The following TASP1 variants were observed in gnomAD, a reference collection of about 807,000 sequenced individuals.
The protein encoded by TASP1 is threonine aspartase 1.
TASP1 carries 16 observed loss-of-function variants against 56.6 expected under a neutral mutation model. The observed-to-expected ratio is 0.28, with a 90% CI of 0.19 to 0.43. The LOEUF is 0.43. Ranked by LOEUF, TASP1 falls within the 20% of genes least tolerant of loss-of-function variation. TASP1 has a pLI of 1.00. For missense variants in TASP1, 393 were observed against 511.6 expected (o/e 0.77, Z 2.24); for synonymous variants, 179 against 184.2 (o/e 0.97, Z 0.23).
the TASP1 span, among the ~76,000 whole-genome samples, chr20:13,176,975 C>T: frequency 6.6e-6 from 1 of 152,118 alleles, no homozygotes; most frequent in African/African-American, 2.4e-5. Flanking sequence ...CACGATGGCT[C>T]ATGCCTGTAA....
At chr20:13,552,532 A>T (rs1445185867) in intron 8 of TASP1, among the ~76,000 whole-genome samples, 3 of 152,182 alleles carry the variant, frequency 2.0e-5, no homozygotes, top group African/African-American at 7.2e-5. Context: ...GGAACTTACT[A>T]AAGAGGATCT....
the TASP1 span, among the ~76,000 whole-genome samples, chr20:13,195,204 T>G: frequency 6.6e-6 from 1 of 152,232 alleles, no homozygotes; most frequent in Non-Finnish European, 1.5e-5. Flanking sequence ...AAAGATACTT[T>G]GTAAACTAAA....
At chr20:13,299,799 G>T in the TASP1 span, 1 of 234,804 alleles carries the variant, frequency 4.3e-6, no homozygotes, top group Non-Finnish European at 8.4e-6. The surrounding 1 kb of genome is among the most constrained non-coding windows in gnomAD (Gnocchi z 5.8). Context: ...AGAGGCAAAG[G>T]GGGAAAGAGA....
intron 10 of TASP1, among the ~76,000 whole-genome samples, chr20:13,489,543 G>T (rs1229991284): frequency 1.3e-5 from 2 of 151,918 alleles, no homozygotes; most frequent in Non-Finnish European, 2.9e-5. Flanking sequence ...GAAAAGAAAA[G>T]AAAAAAGAAA....
intron 8 of TASP1, among the ~76,000 whole-genome samples, chr20:13,554,330 A>G (rs1371486356): frequency 6.6e-6 from 1 of 152,210 alleles, no homozygotes; most frequent in Non-Finnish European, 1.5e-5. Context: ...TTGCAGCCAA[A>G]AGCATTCCAT....
At chr20:13,191,230 C>A in the TASP1 span, among the ~76,000 whole-genome samples, 2 of 152,052 alleles carry the variant, frequency 1.3e-5, no homozygotes, top group Non-Finnish European at 2.9e-5. Context: ...CCAGCAATAC[C>A]ATTACTGAGT....
At chr20:13,552,836 A>G (rs963974872) in intron 8 of TASP1, among the ~76,000 whole-genome samples, 2 of 152,230 alleles carry the variant, frequency 1.3e-5, no homozygotes, top group Non-Finnish European at 2.9e-5. Context: ...TTAGTGTACT[A>G]AGTAAATATT....
At chr20:13,534,654 T>G (rs2045348491) in intron 8 of TASP1, among the ~76,000 whole-genome samples, 1 of 152,202 alleles carries the variant, frequency 6.6e-6, no homozygotes, top group Admixed American at 6.5e-5. Context: ...ATTTTTCTCT[T>G]AGAGTTCCTT....
the TASP1 span, among the ~76,000 whole-genome samples, chr20:13,253,059 C>T: frequency 2.0e-5 from 3 of 152,324 alleles, no homozygotes; most frequent in African/African-American, 7.2e-5. Flanking sequence ...TAGAGACAGA[C>T]ACACAGCGAG....
At chr20:13,590,730 G>C (rs1420538203) in intron 4 of TASP1, among the ~76,000 whole-genome samples, 3 of 152,108 alleles carry the variant, frequency 2.0e-5, no homozygotes, top group African/African-American at 7.2e-5. Flanking sequence ...GCTGGGCATG[G>C]TGGTGCTCAC....
chr20:13,270,648 T>C, the TASP1 span: 1 of 1,613,996 alleles, frequency 6.2e-7, no homozygotes, highest in Non-Finnish European at 8.5e-7. Flanking sequence ...GCACCCTTCA[T>C]TGCAAAGAGA....
At chr20:13,543,138 C>G (rs1348058381) in intron 8 of TASP1, among the ~76,000 whole-genome samples, 1 of 152,190 alleles carries the variant, frequency 6.6e-6, no homozygotes, top group African/African-American at 2.4e-5. Context: ...TCCTCCAACA[C>G]TAGCCTCATC....
chr20:13,337,916 A>T, the TASP1 span, among the ~76,000 whole-genome samples: 2 of 152,180 alleles, frequency 1.3e-5, no homozygotes, highest in African/African-American at 4.8e-5. Flanking sequence ...AAGGCTGATG[A>T]TGGCTTCTAC....
chr20:13,204,570 C>T, the TASP1 span, among the ~76,000 whole-genome samples: 2 of 145,092 alleles, frequency 1.4e-5, no homozygotes, highest in Non-Finnish European at 3.0e-5. Flanking sequence ...GACGGAGTCT[C>T]GCCCTGTTGC....
At chr20:13,222,475 C>T in the TASP1 span, among the ~76,000 whole-genome samples, 7 of 152,190 alleles carry the variant, frequency 4.6e-5, no homozygotes, top group Admixed American at 1.3e-4. Flanking sequence ...CCTCTTCCTC[C>T]GGGAGCCTCG....
the TASP1 span, chr20:13,154,286 C>G: frequency 1.1e-6 from 1 of 940,770 alleles, no homozygotes. Flanking sequence ...ACCTGTCACT[C>G]TATCAGCTAG....
intron 4 of TASP1, among the ~76,000 whole-genome samples, chr20:13,619,064 G>A (rs1042366729): frequency 2.0e-5 from 3 of 151,894 alleles, no homozygotes; most frequent in East Asian, 1.9e-4. Context: ...TATTAGAGAC[G>A]GGGTTTCACC....
At chr20:13,279,839 G>T in the TASP1 span, 1 of 1,613,960 alleles carries the variant, frequency 6.2e-7, no homozygotes, top group East Asian at 2.2e-5. Context: ...CCCCCCAGGG[G>T]GTGGGACCAT....
chr20:13,488,401 A>G (rs1313214073), intron 10 of TASP1, among the ~76,000 whole-genome samples: 1 of 152,198 alleles, frequency 6.6e-6, no homozygotes, highest in Admixed American at 6.6e-5. Context: ...CGCAAGACTA[A>G]TATCTTAAAG....
Sources: allele counts gnomAD v4.1 joint callset (sites outside exome capture counted in the v4.1 genomes callset), GRCh38; gene constraint gnomAD v4.1.1; non-coding constraint Gnocchi (gnomAD v3.1); transcripts MANE v1.5; gene names NCBI Gene and HGNC (gene_info 2026-07-23, HGNC 2026-07-21).